CCDC180: variants seen among roughly 807,000 people sequenced by gnomAD.
CCDC180 encodes the protein coiled-coil domain-containing protein 180.
CCDC180 carries 154 observed loss-of-function variants against 209.2 expected under a neutral mutation model. That is an observed-to-expected ratio of 0.74 (90% CI 0.65 to 0.84). The LOEUF is 0.84. CCDC180 is among the 40% of genes least tolerant of loss of function. CCDC180 has a pLI of 0.00. For missense variants in CCDC180, 1,874 were observed against 1,997.3 expected (o/e 0.94, Z 1.18); for synonymous variants, 778 against 749.1 (o/e 1.04, Z -0.63).
Position 97,371,683 on chromosome 9 carries a change from C to A in CCDC180, c.4577C>A (p.Thr1526Asn). ...CTACTGCAGTTGGATGAGGTGGTCA[C>A]CATTGACGATGTCCAGGTTGCAAGT... ...KFLLQLDEVV[T>N]IDDVQVARME... Residue 1526 changes from threonine to asparagine, a missense_variant, in exon 34 of 37, where the codon ACC becomes AAC. Physicochemically the swap from Thr to Asn is moderately conservative, Grantham distance 65. Transcript: ENST00000529487. The A allele has an allele frequency of 6.2e-7, 1 of 1,600,788 alleles. No individual in the cohort carries two copies. Among genetic ancestry groups the A allele is most frequent in the South Asian group, 1.1e-5 (1 of 90,248 alleles).
chr9:97,369,912 C>A lies in CCDC180; in HGVS notation c.4190-10C>A, dbSNP rs2169456. 0.48 allele frequency: 776,011 copies of A among 1,612,440 alleles called. 192,544 individuals are homozygous for A. Among genetic ancestry groups the A allele is most frequent in the African/African-American group, 0.7 (52,228 of 74,922 alleles). On this transcript the variant is annotated splice_polypyrimidine_tract_variant and intron_variant, in intron 31 of 36. Transcript: ENST00000529487. ...TCCCTCCCTTGGCCTCTTACCCGCA[C>A]TTCTGGCAGAATTACGGATCCAGAT...
At chr9:97,308,435 A>C (rs1209636160) in intron 2 of CCDC180, among the ~76,000 whole-genome samples, 1 of 152,200 alleles carries the variant, frequency 6.6e-6, no homozygotes, top group Non-Finnish European at 1.5e-5. Flanking sequence ...TAATTTTTGT[A>C]TTTAAAAAAT....
rs538053373 is a variant in CCDC180 at position 97,323,674 on chromosome 9, C to A, written c.1249-107C>A. 740 of 1,329,036 alleles carry A rather than the reference C, an allele frequency of 5.6e-4. 7 individuals carry two copies. The African/African-American group carries it at 0.01, about 18-fold the overall frequency. The allele number at this position is 1,329,036 out of a possible 1,614,324, so 82.3% of individuals were successfully genotyped here. A position where few individuals can be genotyped will look rare whatever the true frequency, so the allele number is the denominator to read the frequency against. On this transcript the variant is annotated intron_variant, in intron 12 of 36. Transcript: ENST00000529487. ...ATTCATGGGGTGCAGGGCCCTTCAC[C>A]TGGAGCTCAGGTCTGACTTGTGCAA...
At chr9:97,362,867 A>G (rs372399363) in intron 28 of CCDC180, among the ~76,000 whole-genome samples, 4 of 152,166 alleles carry the variant, frequency 2.6e-5, no homozygotes, top group Middle Eastern at 3.2e-3. Context: ...CCTGGTTGAC[A>G]TGGGTTTGTT....
At chr9:97,371,376 G>A (rs906943026) in intron 33 of CCDC180, 11 of 398,214 alleles carry the variant, frequency 2.8e-5, no homozygotes, top group Non-Finnish European at 3.2e-5. Flanking sequence ...TTGTCTGTGT[G>A]TGTCCCTTGG....
chr9:97,326,622 G>GT lies in CCDC180; in HGVS notation c.1617dup (p.His540SerfsTer17). 6.2e-7 allele frequency: 1 copy of GT among 1,613,830 alleles called. No homozygotes were observed. Among genetic ancestry groups the GT allele is most frequent in the Non-Finnish European group, 8.5e-7 (1 of 1,179,768 alleles). ...AGCAAAGTGACAAAGAAACACTGGC[G>GT]TTTCACCTGGAAAAGGTCAAAGATT... On this transcript the variant is annotated frameshift_variant, in exon 15 of 37. Transcript: ENST00000529487. LOFTEE classifies it high-confidence loss of function.
At position 97,375,598 on chromosome 9, in the gene CCDC180, G is replaced by T. The variant is rs1247723539; in HGVS notation, c.4842+9G>T. 6.2e-7 allele frequency: 1 copy of T among 1,613,996 alleles called. No individual in the cohort carries two copies. The highest frequency in any genetic ancestry group is 1.7e-5 in the Admixed American group (1 of 60,004). On this transcript the variant is annotated intron_variant, in intron 36 of 36. Coordinates refer to ENST00000529487, the MANE Select transcript of CCDC180 (RefSeq NM_020893.6). ...GAGATGCTGTGTACCTGGTGAGACA[G>T]GGTGGAGTGGGCGTGTCCCAGGGAG...
At chr9:97,327,847 A>G (rs1345422770) in intron 15 of CCDC180, among the ~76,000 whole-genome samples, 173 bp from the exon 16 acceptor site, 4 of 152,190 alleles carry the variant, frequency 2.6e-5, no homozygotes, top group African/African-American at 4.8e-5. Context: ...TTCTACAAAA[A>G]GTATGTATTT....
At chr9:97,361,289 A>G (rs1285705893) in intron 26 of CCDC180, among the ~76,000 whole-genome samples, 7 of 152,226 alleles carry the variant, frequency 4.6e-5, no homozygotes. Context: ...TTGACCGGGC[A>G]CATCTGCAGG....
intron 35 of CCDC180, among the ~76,000 whole-genome samples, 191 bp from the exon 36 acceptor site, chr9:97,375,263 C>T (rs1397550423): frequency 1.3e-5 from 2 of 152,192 alleles, no homozygotes; most frequent in Non-Finnish European, 2.9e-5. Flanking sequence ...GCAATGAGAC[C>T]AGTGGGGGCT....
chr9:97,332,786 G>T (rs1054745572), intron 18 of CCDC180, among the ~76,000 whole-genome samples: 5 of 152,098 alleles, frequency 3.3e-5, no homozygotes, highest in African/African-American at 9.7e-5. Flanking sequence ...GAGACCATGG[G>T]GTTTTCTAGC....
At chr9:97,309,745 A>T in intron 3 of CCDC180, 141 bp downstream of exon 3, 1 of 608,040 alleles carries the variant, frequency 1.6e-6, no homozygotes, top group Non-Finnish European at 2.7e-6. Context: ...GCTAATACCT[A>T]CCTTGCAGGA....
chr9:97,377,236 G>T lies in CCDC180; in HGVS notation c.*342G>T. On this transcript the variant is annotated 3_prime_UTR_variant, in exon 37 of 37. Transcript: ENST00000529487. The stretch of plus-strand genomic sequence containing the variant: ...ACGTCATCTTGAAAAATGAAATAAA[G>T]GTCATGGGAAAATGATATTTTAATT... The T allele has an allele frequency of 5.6e-6, 1 of 178,494 alleles. No homozygotes were observed. The highest frequency in any genetic ancestry group is 1.2e-5 in the Non-Finnish European group (1 of 84,144). 11.1% of individuals were successfully genotyped at this position (178,494 alleles called of 1,614,324 possible).
intron 31 of CCDC180, among the ~76,000 whole-genome samples, chr9:97,367,005 A>G (rs1826941034): frequency 6.6e-6 from 1 of 152,204 alleles, no homozygotes; most frequent in Non-Finnish European, 1.5e-5. Flanking sequence ...CATAAAATTT[A>G]CACATGTAGT....
intron 22 of CCDC180, among the ~76,000 whole-genome samples, chr9:97,352,157 C>T (rs917948618): frequency 2.0e-5 from 3 of 150,856 alleles, no homozygotes; most frequent in Admixed American, 6.6e-5. Context: ...ACAATAAAGA[C>T]GATAAACAGA....
intron 36 of CCDC180, chr9:97,375,869 A>G (rs1211881762): frequency 1.4e-5 from 6 of 437,536 alleles, no homozygotes; most frequent in Non-Finnish European, 2.1e-5. Context: ...AAGGCACAGT[A>G]GTGTCACAGC....
intron 16 of CCDC180, among the ~76,000 whole-genome samples, chr9:97,329,676 G>C (rs1825669041): frequency 1.3e-5 from 2 of 152,116 alleles, no homozygotes; most frequent in Admixed American, 6.5e-5. Context: ...AAGAAAAACT[G>C]GTTCCTAGGA....
At chr9:97,354,808 T>A in intron 23 of CCDC180, 84 bp from the exon 24 acceptor site, 1 of 1,570,354 alleles carries the variant, frequency 6.4e-7, no homozygotes, top group Non-Finnish European at 8.8e-7. Context: ...ATCCAACCAT[T>A]CACTGGGCCT....
chr9:97,365,568 G>A (rs1267662435), intron 29 of CCDC180, 105 bp from the exon 30 acceptor site: 2 of 995,294 alleles, frequency 2.0e-6, no homozygotes, highest in Non-Finnish European at 3.2e-6. Context: ...TTCAAGGAGT[G>A]TCACGGCCAA....
Sources: allele counts gnomAD v4.1 joint callset (sites outside exome capture counted in the v4.1 genomes callset), GRCh38; gene constraint gnomAD v4.1.1; transcripts MANE v1.5; gene names NCBI Gene and HGNC (gene_info 2026-07-23, HGNC 2026-07-21).